The following KMT5B variants were observed in gnomAD, a reference collection of about 807,000 sequenced individuals.
KMT5B encodes histone-lysine N-methyltransferase KMT5B.
In KMT5B, 10 loss-of-function variants were observed where a neutral mutation model predicts 83.2. The ratio of observed to expected loss-of-function variants is 0.12; its 90% CI spans 0.07 to 0.20. The LOEUF is 0.20. Ranked by LOEUF, KMT5B falls within the 10% of genes least tolerant of loss-of-function variation. The pLI, the probability that KMT5B is intolerant of heterozygous loss-of-function variation, is 1.00. For missense variants in KMT5B, 753 were observed against 1,067.2 expected (o/e 0.71, Z 4.10); for synonymous variants, 349 against 388.8 (o/e 0.90, Z 1.20).
chr11:68,181,862 C>T (rs932864120), intron 3 of KMT5B, among the ~76,000 whole-genome samples: 3 of 152,160 alleles, frequency 2.0e-5, no homozygotes, highest in Non-Finnish European at 2.9e-5. Context: ...CACACGTAAA[C>T]GGAACACTCT....
intron 1 of KMT5B, among the ~76,000 whole-genome samples, chr11:68,205,747 A>C (rs12809033): frequency 0.099 from 15,018 of 151,542 alleles, 816 homozygotes; most frequent in East Asian, 0.23. Flanking sequence ...CAGCCTCCTG[A>C]GTACCTGGGA....
intron 1 of KMT5B, among the ~76,000 whole-genome samples, chr11:68,210,005 T>C (rs903810570): frequency 6.6e-6 from 1 of 152,098 alleles, no homozygotes. Context: ...TAGCTGGGAC[T>C]ACAGGCTAAT....
chr11:68,191,173 T>TGTGTGTGTGTGTGTGTGTGTG (rs1858004569), intron 1 of KMT5B, among the ~76,000 whole-genome samples: 1 of 139,172 alleles, frequency 7.2e-6, no homozygotes, highest in Non-Finnish European at 1.5e-5. Flanking sequence ...TTTTAAAACT[T>TGTGTGTGTGTGTGTGTGTGTG]TGTGTGTGTG....
At chr11:68,167,307 A>G in intron 9 of KMT5B, 129 bp from the exon 10 acceptor site, 1 of 1,069,252 alleles carries the variant, frequency 9.4e-7, no homozygotes, top group Non-Finnish European at 1.3e-6. Context: ...ACCACTGGAA[A>G]CCGAAGACTA....
At chr11:68,209,724 GCTA>G (rs1395580384) in intron 1 of KMT5B, among the ~76,000 whole-genome samples, 3 of 152,168 alleles carry the variant, frequency 2.0e-5, no homozygotes, top group Non-Finnish European at 2.9e-5. Flanking sequence ...AACTCAAAGT[GCTA>G]CTAAGTGGTA....
chr11:68,197,886 A>G (rs1460781034), intron 1 of KMT5B, among the ~76,000 whole-genome samples: 1 of 152,178 alleles, frequency 6.6e-6, no homozygotes, highest in Non-Finnish European at 1.5e-5. Context: ...TGTAAAAACA[A>G]TTCTAATGAA....
At chr11:68,200,716 A>C (rs866472863) in intron 1 of KMT5B, among the ~76,000 whole-genome samples, 11 of 152,230 alleles carry the variant, frequency 7.2e-5, no homozygotes, top group African/African-American at 2.7e-4. Context: ...TAGATTGGTT[A>C]AATCTCTGGA....
intron 1 of KMT5B, among the ~76,000 whole-genome samples, chr11:68,202,103 G>A (rs943568700): frequency 3.3e-5 from 5 of 151,908 alleles, no homozygotes; most frequent in East Asian, 1.9e-4. Context: ...GCCTGTTAGA[G>A]GACTTTCATA....
At chr11:68,166,117 C>A in intron 10 of KMT5B, 1 of 1,443,300 alleles carries the variant, frequency 6.9e-7, no homozygotes, top group Non-Finnish European at 9.1e-7. Flanking sequence ...AACTTTCTAA[C>A]TTCTGTCTCT....
At chr11:68,196,937 A>C (rs111384144) in intron 1 of KMT5B, among the ~76,000 whole-genome samples, 5 of 152,228 alleles carry the variant, frequency 3.3e-5, no homozygotes, top group African/African-American at 7.2e-5. Context: ...TAGAAATAAA[A>C]TATATGGAAT....
intron 2 of KMT5B, 72 bp from the exon 3 acceptor site, chr11:68,186,000 G>A (rs1326227952): frequency 7.4e-7 from 1 of 1,347,384 alleles, no homozygotes; most frequent in Non-Finnish European, 1.0e-6. Context: ...ATCTTTAGCG[G>A]CATTGCCCAT....
chr11:68,166,243 A>G (rs943383294), intron 10 of KMT5B: 2 of 1,213,906 alleles, frequency 1.6e-6, no homozygotes, highest in Non-Finnish European at 2.1e-6. Context: ...AAGCTCCGCA[A>G]ACAGGATGTG....
intron 4 of KMT5B, chr11:68,179,381 G>T: frequency 8.6e-7 from 1 of 1,158,290 alleles, no homozygotes; most frequent in Non-Finnish European, 1.2e-6. Flanking sequence ...CCAATCAATG[G>T]CTGGTATAAG....
rs767500543 is a variant in KMT5B, at chr11:68,190,090, C to T, written c.-14G>A. 1.2e-6 allele frequency: 2 copies of T among 1,612,008 alleles called. No individual in the cohort carries two copies. Among genetic ancestry groups the T allele is most frequent in the Non-Finnish European group, 1.7e-6 (2 of 1,178,846 alleles). ...CAACCACTTCATACCCACAGACAGC[C>T]TGACCCAGGTGCATTTAGTCACTCT... On this transcript the variant is annotated 5_prime_UTR_variant, in exon 2 of 11. Coordinates refer to ENST00000304363, the MANE Select transcript of KMT5B (RefSeq NM_017635.5).
intron 1 of KMT5B, among the ~76,000 whole-genome samples, chr11:68,207,203 G>A (rs1860235399): frequency 2.0e-5 from 3 of 147,092 alleles, no homozygotes; most frequent in Admixed American, 7.0e-5. Flanking sequence ...GACAGAGCGA[G>A]ACTCCGTTTC....
Position 68,166,938 on chromosome 11 carries a change from A to G in KMT5B, c.1174+44T>C, listed in dbSNP as rs1303102488. On this transcript the variant is annotated intron_variant, in intron 10 of 10. Coordinates refer to ENST00000304363, the MANE Select transcript of KMT5B (RefSeq NM_017635.5). ...CACACTTTATAAAGCAAATTGTGTGAAAATACTTTTAAAAGATATGCTTAT... is the reference window on the plus strand; with the variant it reads ...CACACTTTATAAAGCAAATTGTGTGGAAATACTTTTAAAAGATATGCTTAT... 4 of 1,605,418 alleles carry G rather than the reference A, an allele frequency of 2.5e-6. No homozygotes were observed. The African/African-American group carries it at 4.0e-5, about 16-fold the overall frequency.
At chr11:68,202,144 T>C (rs1404999218) in intron 1 of KMT5B, among the ~76,000 whole-genome samples, 5 of 152,114 alleles carry the variant, frequency 3.3e-5, no homozygotes, top group African/African-American at 1.2e-4. Context: ...AAGAAAACAT[T>C]TTTCAAGTGA....
At chr11:68,167,799 G>A (rs1374067178) in intron 9 of KMT5B, among the ~76,000 whole-genome samples, 1 of 152,110 alleles carries the variant, frequency 6.6e-6, no homozygotes, top group Non-Finnish European at 1.5e-5. Flanking sequence ...AAGGGATAGA[G>A]CAAATCATGG....
At chr11:68,183,457 G>A (rs1435753294) in intron 3 of KMT5B, among the ~76,000 whole-genome samples, 2 of 150,712 alleles carry the variant, frequency 1.3e-5, no homozygotes, top group South Asian at 4.2e-4. Context: ...TCCCAGGTTC[G>A]AGGGATTCTC....
Sources: gnomAD v4.1 joint callset for allele counts (sites outside exome capture counted in the v4.1 genomes callset) on GRCh38, gnomAD v4.1.1 for gene constraint, MANE v1.5 for transcripts, NCBI Gene and HGNC (gene_info 2026-07-23, HGNC 2026-07-21) for gene names.